ABCB10: variants seen among roughly 807,000 people sequenced by gnomAD.
The protein encoded by ABCB10 is ATP-binding cassette sub-family B member 10, mitochondrial.
In ABCB10, 54 loss-of-function variants were observed where a neutral mutation model predicts 65.4. The observed-to-expected ratio is 0.83, with a 90% CI of 0.66 to 1.04. The LOEUF (loss-of-function observed/expected upper bound fraction) is 1.04, where lower values mean the gene tolerates loss of function less well. Among genes scored for constraint, ABCB10 ranks in the 50% least tolerant of loss-of-function variants. ABCB10 has a pLI of 0.00. For missense variants in ABCB10, 846 were observed against 976.6 expected, an observed-to-expected ratio of 0.87 and a Z score of 1.78; for synonymous variants, 418 against 406.5, an observed-to-expected ratio of 1.03 and a Z score of -0.34.
At position 229,518,883 on chromosome 1, in the gene ABCB10, A is replaced by T. The variant is rs370439266; in HGVS notation, c.1951-8T>A. 155 of 1,577,004 alleles carry T rather than the reference A, an allele frequency of 9.8e-5. 1 individual carries two copies. The highest frequency in any genetic ancestry group is 1.3e-4 in the Non-Finnish European group (150 of 1,155,874). ...GAGAAGAATTTTGGGATTCTGAAGAAGGAAAAAAAAGGAAAAGATAAAATA... is the reference window on the plus strand; with the variant it reads ...GAGAAGAATTTTGGGATTCTGAAGATGGAAAAAAAAGGAAAAGATAAAATA... On this transcript the variant is annotated splice_region_variant and splice_polypyrimidine_tract_variant and intron_variant, in intron 11 of 12. Coordinates refer to ENST00000344517, the MANE Select transcript of ABCB10 (RefSeq NM_012089.3).
At position 229,558,097 on chromosome 1, in the gene ABCB10, A is replaced by G. The variant is rs1329287660; in HGVS notation, c.517+39T>C. 4 of 1,318,754 alleles carry G rather than the reference A, an allele frequency of 3.0e-6. No individual in the cohort carries two copies. The African/African-American group carries it at 6.2e-5, about 20-fold the overall frequency. The allele number at this position is 1,318,754 out of a possible 1,614,324, so 81.7% of individuals were successfully genotyped here. On this transcript the variant is annotated intron_variant, in intron 1 of 12. Coordinates refer to ENST00000344517, the MANE Select transcript of ABCB10 (RefSeq NM_012089.3). ...CCCGGGACCCCGCGTGTGGAGAAGG[A>G]GAGGCCCGGCGGAGGGAAGTGGCCG...
chr1:229,553,721 C>A (rs73099834), intron 1 of ABCB10, among the ~76,000 whole-genome samples: 1 of 150,962 alleles, frequency 6.6e-6, no homozygotes, highest in East Asian at 2.0e-4. Context: ...GGAACCCTGA[C>A]GAACTCAACC....
In ABCB10 at chr1:229,543,256, G is replaced by A. The variant is rs183863756; in HGVS notation, c.922-885C>T. Among the ~76,000 whole-genome samples the A allele has an allele frequency of 2.1e-3, 313 of 152,236 alleles. 1 individual carries two copies. Among genetic ancestry groups the A allele is most frequent in the African/African-American group, 6.9e-3 (287 of 41,534 alleles). The stretch of plus-strand genomic sequence containing the variant: ...CTCAGTGGACTGAAGTCAGCAGGAT[G>A]GATCTGGGCTCAATATACTGAGGAG... On this transcript the variant is annotated intron_variant, in intron 3 of 12. Transcript: ENST00000344517.
chr1:229,546,171 C>CAAAA (rs1236717877), intron 3 of ABCB10, among the ~76,000 whole-genome samples: 1 of 55,024 alleles, frequency 1.8e-5, no homozygotes, highest in Admixed American at 2.0e-4. Context: ...TACTCCGTCT[C>CAAAA]AAAAAAAAAA....
intron 10 of ABCB10, among the ~76,000 whole-genome samples, chr1:229,524,310 C>T (rs374817877): frequency 5.9e-5 from 9 of 152,042 alleles, no homozygotes; most frequent in East Asian, 5.8e-4. Flanking sequence ...CATAAGTGCT[C>T]ACCACCACAC....
intron 3 of ABCB10, among the ~76,000 whole-genome samples, chr1:229,542,827 T>C (rs73099823): frequency 0.03 from 4,485 of 151,844 alleles, 227 homozygotes; most frequent in African/African-American, 0.1. Context: ...GATGGTGAAG[T>C]CACCAAAAAA....
chr1:229,549,264 C>G lies in ABCB10; in HGVS notation c.688G>C (p.Ala230Pro). 2 of 1,614,070 alleles carry G rather than the reference C, an allele frequency of 1.2e-6. No homozygotes were observed. The highest frequency in any genetic ancestry group is 8.5e-7 in the Non-Finnish European group (1 of 1,180,004). ...GTTTGCATGAGGTAGACACGAATGGCATTGGCGGCAGCACCACACAGAAAC... is the reference window on the plus strand; with the variant it reads ...GTTTGCATGAGGTAGACACGAATGGGATTGGCGGCAGCACCACACAGAAAC... ...AVFLCGAAAN[A>P]IRVYLMQTSG... is the part of the protein sequence containing the mutation. The change falls in exon 2 of 13, where the codon GCC (alanine) becomes CCC (proline). Residue 230 changes from alanine (A) to proline (P), a missense_variant. This residue lies in a region of ABCB10 where 632 missense variants were observed against 803.2 expected (regional missense o/e 0.79). Transcript: ENST00000344517.
intron 7 of ABCB10, 65 bp downstream of exon 7, chr1:229,531,570 AG>A: frequency 6.8e-7 from 1 of 1,468,302 alleles, no homozygotes; most frequent in Non-Finnish European, 9.5e-7. Flanking sequence ...AGACAGGGGA[AG>A]AGCTGGTCTC....
chr1:229,529,119 ATCTCT>A (rs1662509946), intron 8 of ABCB10, among the ~76,000 whole-genome samples: 1 of 150,072 alleles, frequency 6.7e-6, no homozygotes, highest in African/African-American at 2.5e-5. Context: ...GTGAAACCCC[ATCTCT>A]ACTAAAAATA....
intron 3 of ABCB10, 48 bp from the exon 4 acceptor site, chr1:229,542,419 C>G (rs748718476): frequency 5.0e-6 from 8 of 1,590,164 alleles, no homozygotes; most frequent in Non-Finnish European, 6.8e-6. Flanking sequence ...CATTGGGTGG[C>G]AAGACATTCT....
chr1:229,534,344 T>C (rs2166160), intron 6 of ABCB10, among the ~76,000 whole-genome samples: 34,074 of 152,084 alleles, frequency 0.22, 3,966 homozygotes, highest in Middle Eastern at 0.3. Context: ...GGGACACACA[T>C]TTTGGAAGGC....
At chr1:229,519,842 A>G (rs184981614) in intron 11 of ABCB10, among the ~76,000 whole-genome samples, 1 of 149,600 alleles carries the variant, frequency 6.7e-6, no homozygotes, top group East Asian at 2.0e-4. Context: ...TAAAATGAGT[A>G]AGGCTGAGTA....
chr1:229,547,263 C>A (rs1246353552), intron 3 of ABCB10, among the ~76,000 whole-genome samples: 3 of 152,202 alleles, frequency 2.0e-5, no homozygotes, highest in African/African-American at 7.2e-5. Flanking sequence ...GAATACCCAG[C>A]AGTAACACAT....
intron 1 of ABCB10, among the ~76,000 whole-genome samples, chr1:229,551,988 C>CCATATGACATGATTCGTATT (rs1451267438): frequency 0.01 from 1,585 of 152,322 alleles, 36 homozygotes; most frequent in African/African-American, 0.036. Context: ...CAATACGAAT[C>CCATATGACATGATTCGTATT]CATATGACAT....
intron 1 of ABCB10, among the ~76,000 whole-genome samples, chr1:229,551,947 C>T (rs1027904777): frequency 9.9e-5 from 15 of 152,236 alleles, no homozygotes; most frequent in African/African-American, 3.6e-4. Flanking sequence ...CTTCCCTCCT[C>T]CTCTAGTTTT....
intron 8 of ABCB10, among the ~76,000 whole-genome samples, chr1:229,528,827 C>T (rs1204070680): frequency 2.0e-5 from 3 of 151,994 alleles, no homozygotes; most frequent in Admixed American, 6.6e-5. Context: ...CACATCTGGC[C>T]AAAATATTCT....
rs2102686313 is a variant in ABCB10 at position 229,527,229 on chromosome 1, C to T, written c.1725G>A (p.Gln575=). The change falls in exon 9 of 13, where the codon CAG becomes CAA. Residue 575 remains glutamine (Q), a splice_region_variant and synonymous_variant. Coordinates refer to ENST00000344517, the MANE Select transcript of ABCB10 (RefSeq NM_012089.3). ...WLRSKIGTVS[Q]EPILFSCSIA... ...TAGAAATGGAAGCCTCTCTTCTTAC[C>T]TGACTCACTGTCCCAATTTTGGATC... is the stretch of plus-strand genomic sequence containing the variant. 6.2e-7 allele frequency: 1 copy of T among 1,613,186 alleles called. No individual in the cohort carries two copies. Among genetic ancestry groups the T allele is most frequent in the Non-Finnish European group, 8.5e-7 (1 of 1,179,464 alleles).
At position 229,558,404 on chromosome 1, in the gene ABCB10, G is replaced by C. The variant is rs565228668; in HGVS notation, c.249C>G (p.Val83=). The change falls in exon 1 of 13, where the codon GTC becomes GTG. Residue 83 remains valine, a synonymous_variant. Transcript: ENST00000344517. ...GCCCCAGGAGCCGCGCGAGGCCCAG[G>C]ACGCCCCGCGAGGCGCCCGGACCCC... ...RGGGPGASRG[V]LGLARLLGLW... 5 of 1,205,300 alleles carry C rather than the reference G, an allele frequency of 4.1e-6. No homozygotes were observed. In the Admixed American group the frequency reaches 2.2e-4, roughly 52 times the overall value. 74.7% of individuals were successfully genotyped at this position (1,205,300 alleles called of 1,614,324 possible).
At chr1:229,539,348 C>G (rs1212834719) in intron 6 of ABCB10, 108 bp downstream of exon 6, 16 of 1,478,790 alleles carry the variant, frequency 1.1e-5, no homozygotes, top group Non-Finnish European at 9.4e-7. Context: ...CTAGGAAATG[C>G]TTTTTCAGTG....
Sources: gnomAD v4.1 joint callset for allele counts (sites outside exome capture counted in the v4.1 genomes callset) on GRCh38, gnomAD v4.1.1 for gene constraint, gnomAD v4.1.1 regional missense constraint, MANE v1.5 for transcripts, NCBI Gene and HGNC (gene_info 2026-07-23, HGNC 2026-07-21) for gene names.